Variants in ZNF583 observed in about 807,000 individuals in gnomAD.
The protein encoded by ZNF583 is zinc finger protein L3-5.
ZNF583 carries 30 observed loss-of-function variants against 55.3 expected under a neutral mutation model. The observed-to-expected ratio is 0.54, with a 90% confidence interval of 0.41 to 0.74. The LOEUF (loss-of-function observed/expected upper bound fraction) is 0.74, where lower values mean the gene tolerates loss of function less well. Among genes scored for constraint, ZNF583 ranks in the 30% least tolerant of loss-of-function variants. ZNF583 has a pLI of 0.00. For missense variants in ZNF583, 504 were observed against 664.7 expected (o/e 0.76, Z 2.66); for synonymous variants, 208 against 220.0 (o/e 0.95, Z 0.48).
chr19:56,423,904 G>A lies in ZNF583; in HGVS notation c.1246G>A (p.Ala416Thr). ...KPYECKVCRK[A>T]FSQIAYLDQH... ...TTATGAATGTAAAGTATGTAGGAAA[G>A]CCTTCAGCCAAATTGCATACCTTGA... The change falls in exon 5 of 5, where the codon GCC becomes ACC. Residue 416 changes from alanine to threonine, a missense_variant. Physicochemically the swap from Ala to Thr is moderately conservative, Grantham distance 58 (BLOSUM62 0). This residue lies in a region of ZNF583 where 237 missense variants were observed against 373.0 expected (regional missense o/e 0.64). Transcript: ENST00000333201. The A allele has an allele frequency of 1.2e-6, 2 of 1,613,986 alleles. No individual in the cohort carries two copies. Among genetic ancestry groups the A allele is most frequent in the Non-Finnish European group, 1.7e-6 (2 of 1,179,980 alleles).
At chr19:56,411,478 C>G (rs1030346527) in intron 2 of ZNF583, among the ~76,000 whole-genome samples, 11 of 152,292 alleles carry the variant, frequency 7.2e-5, no homozygotes, top group African/African-American at 2.2e-4. Flanking sequence ...AAAACACAGA[C>G]TCTATTAGTT....
intron 2 of ZNF583, among the ~76,000 whole-genome samples, chr19:56,407,869 A>C (rs1239893504): frequency 1.3e-5 from 2 of 152,242 alleles, no homozygotes; most frequent in Admixed American, 1.3e-4. Flanking sequence ...AACAGTTGAT[A>C]GTGTGGAATG....
At position 56,424,149 on chromosome 19, in the gene ZNF583, T is replaced by C; in HGVS notation, c.1491T>C (p.Cys497=). 6.2e-7 allele frequency: 1 copy of C among 1,612,126 alleles called. No homozygotes were observed. The highest frequency in any genetic ancestry group is 8.5e-7 in the Non-Finnish European group (1 of 1,178,550). ...TGEKPYECNV[C]GKAFSYSGSL... is the part of the protein sequence containing the mutation. ...AGAAACCTTATGAATGTAATGTTTG[T>C]GGGAAAGCATTTAGCTATAGTGGAT... Residue 497 remains cysteine (C), a synonymous_variant, in exon 5 of 5, where the codon TGT becomes TGC. Transcript: ENST00000333201.
At chr19:56,412,668 A>T (rs1316673086) in intron 2 of ZNF583, among the ~76,000 whole-genome samples, 2 of 152,206 alleles carry the variant, frequency 1.3e-5, no homozygotes, top group East Asian at 3.8e-4. Flanking sequence ...TTAGGCAATC[A>T]TTTGTCGCCT....
chr19:56,426,151 CATGT>C lies in ZNF583; in HGVS notation c.*1788_*1791del, dbSNP rs1192117057. 3.9e-5 allele frequency: 6 copies of C among 152,154 alleles called. No individual in the cohort carries two copies. The highest frequency in any genetic ancestry group is 8.8e-5 in the Non-Finnish European group (6 of 68,016). The allele number at this position is 152,154 out of a possible 1,614,324, so 9.4% of individuals were successfully genotyped here. A position where few individuals can be genotyped will look rare whatever the true frequency, so the allele number is the denominator to read the frequency against. On this transcript the variant is annotated 3_prime_UTR_variant, in exon 5 of 5. Coordinates refer to ENST00000333201, the MANE Select transcript of ZNF583 (RefSeq NM_152478.3). Reference sequence around the variant, plus strand: ...TCTAATAAATTTTGTAAGGTTTTAACATGTATGTGTGAACATACATATTCATGCT... The same window carrying C: ...TCTAATAAATTTTGTAAGGTTTTAACATGTGTGAACATACATATTCATGCT...
rs763790557 is a variant in ZNF583, at chr19:56,413,970, A to G, written c.21A>G (p.Thr7=). MSKDLV[T]FGDVAVNFSQ... The stretch of plus-strand genomic sequence containing the variant: ...TTATGTCATTTCAGGATTTGGTGAC[A>G]TTTGGGGATGTGGCTGTAAATTTCT... The change falls in exon 3 of 5, where the codon ACA becomes ACG. Residue 7 remains threonine (T), a synonymous_variant. Coordinates refer to ENST00000333201, the MANE Select transcript of ZNF583 (RefSeq NM_152478.3). The G allele has an allele frequency of 1.9e-6, 3 of 1,614,124 alleles. No homozygotes were observed. The Admixed American group carries it at 5.0e-5, about 27-fold the overall frequency.
Position 56,423,995 on chromosome 19 carries a change from G to C in ZNF583, c.1337G>C (p.Ser446Thr). 3 of 1,614,086 alleles carry C rather than the reference G, an allele frequency of 1.9e-6. No individual in the cohort carries two copies. The highest frequency in any genetic ancestry group is 2.5e-6 in the Non-Finnish European group (3 of 1,180,008). Reference protein sequence around the residue: ...YECIECGKAFSNSSSLAQHQR... With the variant: ...YECIECGKAFTNSSSLAQHQR... Reference sequence around the variant, plus strand: ...TGTATTGAATGTGGGAAGGCCTTTAGCAATAGTTCATCACTTGCACAACAT... The same window carrying C: ...TGTATTGAATGTGGGAAGGCCTTTACCAATAGTTCATCACTTGCACAACAT... The change falls in exon 5 of 5, where the codon AGC becomes ACC. Residue 446 changes from serine to threonine, a missense_variant. Ser to Thr is a moderately conservative substitution (Grantham distance 58). Transcript: ENST00000333201.
Position 56,423,457 on chromosome 19 carries a change from C to A in ZNF583, c.799C>A (p.Pro267Thr), listed in dbSNP as rs1480856352. 6.2e-7 allele frequency: 1 copy of A among 1,613,956 alleles called. No individual in the cohort carries two copies. The highest frequency in any genetic ancestry group is 2.2e-5 in the East Asian group (1 of 44,862). Reference protein sequence around the residue: ...QHKRIHTGEKPYECKECRKAF... With the variant: ...QHKRIHTGEKTYECKECRKAF... Reference sequence around the variant, plus strand: ...TAAGAGAATACATACTGGAGAGAAACCCTATGAATGTAAAGAATGTAGGAA... The same window carrying A: ...TAAGAGAATACATACTGGAGAGAAAACCTATGAATGTAAAGAATGTAGGAA... The change falls in exon 5 of 5, where the codon CCC becomes ACC. Residue 267 changes from proline to threonine, a missense_variant. By Grantham distance (38) the Pro-to-Thr change is conservative (BLOSUM62 -1). This residue lies in a region of ZNF583 where 237 missense variants were observed against 373.0 expected (regional missense o/e 0.64). Transcript: ENST00000333201.
chr19:56,407,672 C>T (rs952003148), intron 2 of ZNF583, among the ~76,000 whole-genome samples: 5 of 152,082 alleles, frequency 3.3e-5, no homozygotes, highest in Non-Finnish European at 7.3e-5. Flanking sequence ...GAACAGTATT[C>T]CAGGGAATAA....
intron 2 of ZNF583, among the ~76,000 whole-genome samples, chr19:56,408,371 T>C (rs1279857317): frequency 6.6e-6 from 1 of 152,236 alleles, no homozygotes; most frequent in African/African-American, 2.4e-5. Context: ...GTGTTTAACA[T>C]AGTAGCCACT....
chr19:56,407,362 TG>T (rs1339046126), intron 2 of ZNF583, among the ~76,000 whole-genome samples: 6 of 152,224 alleles, frequency 3.9e-5, no homozygotes, highest in Non-Finnish European at 5.9e-5. Context: ...GTTTAGTGTC[TG>T]TTAGAAGCTT....
chr19:56,409,035 G>A (rs2082333236), intron 2 of ZNF583, among the ~76,000 whole-genome samples: 1 of 149,616 alleles, frequency 6.7e-6, no homozygotes, highest in African/African-American at 2.5e-5. Flanking sequence ...TTAGATTGTT[G>A]TTCAAACCTT....
At chr19:56,415,350 G>A (rs2042303867) in intron 4 of ZNF583, among the ~76,000 whole-genome samples, 1 of 152,066 alleles carries the variant, frequency 6.6e-6, no homozygotes, top group African/African-American at 2.4e-5. Flanking sequence ...ATATATATAA[G>A]ATGAGGAGAG....
At chr19:56,422,267 G>C (rs1451018464) in intron 4 of ZNF583, among the ~76,000 whole-genome samples, 5 of 152,166 alleles carry the variant, frequency 3.3e-5, no homozygotes, top group African/African-American at 1.2e-4. Context: ...TAAGTTCTGT[G>C]CTAGGTTAGT....
chr19:56,413,881 G>C (rs1261557472), intron 2 of ZNF583, 78 bp from the exon 3 acceptor site: 1 of 1,589,230 alleles, frequency 6.3e-7, no homozygotes, highest in Non-Finnish European at 8.6e-7. Context: ...TAAAAGTATA[G>C]ACAATTTAAC....
At chr19:56,413,523 G>T (rs1252129428) in intron 2 of ZNF583, among the ~76,000 whole-genome samples, 2 of 152,132 alleles carry the variant, frequency 1.3e-5, no homozygotes, top group Non-Finnish European at 2.9e-5. Context: ...ATTGTACTGA[G>T]TTTGGAAAAA....
At chr19:56,417,350 C>T (rs751688538) in intron 4 of ZNF583, among the ~76,000 whole-genome samples, 1 of 152,040 alleles carries the variant, frequency 6.6e-6, no homozygotes, top group Non-Finnish European at 1.5e-5. Context: ...ATCTTGGTAT[C>T]GTCAGTAGTA....
At chr19:56,410,885 A>G (rs2042228253) in intron 2 of ZNF583, among the ~76,000 whole-genome samples, 1 of 152,194 alleles carries the variant, frequency 6.6e-6, no homozygotes, top group South Asian at 2.1e-4. Flanking sequence ...CCGTTTGAGC[A>G]GATTATACTA....
At chr19:56,418,714 G>GT (rs71293967) in intron 4 of ZNF583, among the ~76,000 whole-genome samples, 30,582 of 151,162 alleles carry the variant, frequency 0.2, 3,467 homozygotes, top group East Asian at 0.5. Context: ...TACAAATACA[G>GT]TTTTTTTTTC....
Sources: allele counts gnomAD v4.1 joint callset (sites outside exome capture counted in the v4.1 genomes callset), GRCh38; gene constraint gnomAD v4.1.1; regional missense constraint gnomAD v4.1.1; transcripts MANE v1.5; gene names NCBI Gene and HGNC (gene_info 2026-07-23, HGNC 2026-07-21).